APBB2: variants seen among roughly 807,000 people sequenced by gnomAD.
APBB2 encodes the protein Fe65-like 1.
APBB2 carries 38 observed loss-of-function variants against 82.5 expected under a neutral mutation model. The ratio of observed to expected loss-of-function variants is 0.46; its 90% CI spans 0.36 to 0.60. The LOEUF (loss-of-function observed/expected upper bound fraction) is 0.60. Ranked by LOEUF, APBB2 falls within the 20% of genes least tolerant of loss-of-function variation. The pLI, the probability that APBB2 is intolerant of heterozygous loss-of-function variation, is 0.00. For missense variants in APBB2, 772 were observed against 972.3 expected, an observed-to-expected ratio of 0.79 and a Z score of 2.74; for synonymous variants, 341 against 368.2, an observed-to-expected ratio of 0.93 and a Z score of 0.85.
At chr4:40,951,784 T>A (rs1790249429) in intron 6 of APBB2, among the ~76,000 whole-genome samples, 1 of 152,030 alleles carries the variant, frequency 6.6e-6, no homozygotes, top group South Asian at 2.1e-4. Flanking sequence ...AAATTGGAGG[T>A]CTCAAGAAGC....
intron 6 of APBB2, among the ~76,000 whole-genome samples, chr4:40,954,391 G>A (rs1352042930): frequency 1.3e-5 from 2 of 152,194 alleles, no homozygotes; most frequent in Non-Finnish European, 2.9e-5. Flanking sequence ...GGAGAGGAAA[G>A]AGGGAAGGTG....
At chr4:41,054,435 C>T (rs548431527) in intron 4 of APBB2, among the ~76,000 whole-genome samples, 1 of 152,198 alleles carries the variant, frequency 6.6e-6, no homozygotes, top group South Asian at 2.1e-4. Context: ...ATCTCCACAC[C>T]ACCCTGAATT....
At chr4:40,930,488 T>C (rs1783954540) in intron 10 of APBB2, among the ~76,000 whole-genome samples, 1 of 148,030 alleles carries the variant, frequency 6.8e-6, no homozygotes, top group Non-Finnish European at 1.5e-5. Context: ...CGTATGCGTG[T>C]GTATGTGTGT....
chr4:41,185,079 G>A (rs540578377), intron 1 of APBB2, among the ~76,000 whole-genome samples: 2 of 152,286 alleles, frequency 1.3e-5, no homozygotes, highest in East Asian at 3.9e-4. Context: ...TATCCCCAAA[G>A]CCTAAAATGG....
At chr4:40,964,894 G>A (rs1339147374) in intron 6 of APBB2, among the ~76,000 whole-genome samples, 2 of 148,164 alleles carry the variant, frequency 1.3e-5, no homozygotes, top group Non-Finnish European at 2.9e-5. Context: ...GCCAAGGCGG[G>A]CAGATCACGA....
At chr4:40,816,304 A>G in intron 17 of APBB2, 45 bp from the exon 18 acceptor site, 1 of 1,603,882 alleles carries the variant, frequency 6.2e-7, no homozygotes, top group Non-Finnish European at 8.5e-7. Context: ...ACAACATATT[A>G]TTTCATCTTT....
chr4:40,984,691 C>A (rs1194931158), intron 6 of APBB2, among the ~76,000 whole-genome samples: 1 of 152,188 alleles, frequency 6.6e-6, no homozygotes, highest in Non-Finnish European at 1.5e-5. Context: ...CAAAGAAAAA[C>A]TGCCCAGACA....
intron 12 of APBB2, chr4:40,842,329 A>C: frequency 4.4e-6 from 2 of 455,012 alleles, no homozygotes; most frequent in African/African-American, 2.0e-5. Flanking sequence ...AGACACGTTA[A>C]GACACCACGA....
Position 41,086,470 on chromosome 4 carries a change from T to C in APBB2, c.-149+14169A>G, listed in dbSNP as rs561858111. ...TTATTGAAAGGATTATACACCATGA[T>C]CAAGTGGGACTTATCTCTGGAATGC... On this transcript the variant is annotated intron_variant, in intron 3 of 17. Coordinates refer to ENST00000508593, the MANE Select transcript of APBB2 (RefSeq NM_004307.2). 2.0e-5 allele frequency among the ~76,000 whole-genome samples: 3 copies of C among 152,286 alleles called. No individual in the cohort carries two copies. The South Asian group carries it at 6.2e-4, about 32-fold the overall frequency.
chr4:40,905,892 C>G (rs1402922771), intron 10 of APBB2, among the ~76,000 whole-genome samples: 1 of 152,126 alleles, frequency 6.6e-6, no homozygotes, highest in East Asian at 1.9e-4. Context: ...GCCTAGACAC[C>G]TTCCTGACCC....
At chr4:41,172,214 TC>T (rs767767894) in intron 1 of APBB2, among the ~76,000 whole-genome samples, 49 of 152,196 alleles carry the variant, frequency 3.2e-4, no homozygotes, top group Admixed American at 3.9e-4. Context: ...CAACACCTCA[TC>T]CAGCACCCCC....
At chr4:40,822,244 C>A in intron 16 of APBB2, 194 bp from the exon 17 acceptor site, 1 of 603,970 alleles carries the variant, frequency 1.7e-6, no homozygotes, top group East Asian at 2.9e-5. Context: ...TTCTGGAGGT[C>A]ATTCTTGCTC....
intron 1 of APBB2, among the ~76,000 whole-genome samples, chr4:41,189,643 C>T (rs1466452668): frequency 6.6e-6 from 1 of 152,154 alleles, no homozygotes; most frequent in Admixed American, 6.5e-5. Context: ...AAATTAAAGT[C>T]CTCAGTACAA....
intron 1 of APBB2, among the ~76,000 whole-genome samples, chr4:41,171,959 G>A (rs975311018): frequency 2.6e-5 from 4 of 152,188 alleles, no homozygotes; most frequent in Admixed American, 2.0e-4. Flanking sequence ...AATTAGCTGG[G>A]CATGGTGGCA....
chr4:40,961,326 T>C (rs1235128238), intron 6 of APBB2, among the ~76,000 whole-genome samples: 1 of 151,988 alleles, frequency 6.6e-6, no homozygotes, highest in Non-Finnish European at 1.5e-5. Context: ...CACAAACATA[T>C]AGACATCTAA....
rs759076001 is a variant in APBB2, at chr4:41,013,649, C to G, written c.769G>C (p.Asp257His). ...AACGTTGTCCAGCTGGACTCCTCAT[C>G]GCTCGGTGCCAGGTTCTGGATCCGG... is the stretch of plus-strand genomic sequence containing the variant. ...LHRIQNLAPS[D>H]EESSWTTLSQ... The change falls in exon 6 of 18, where the codon GAT becomes CAT. Residue 257 changes from aspartate to histidine, a missense_variant. Transcript: ENST00000508593. 2 of 1,614,212 alleles carry G rather than the reference C, an allele frequency of 1.2e-6. No individual in the cohort carries two copies. Among genetic ancestry groups the G allele is most frequent in the Non-Finnish European group, 1.7e-6 (2 of 1,180,036 alleles).
chr4:41,160,212 G>A (rs1764802912), intron 1 of APBB2, among the ~76,000 whole-genome samples: 1 of 152,104 alleles, frequency 6.6e-6, no homozygotes, highest in African/African-American at 2.4e-5. Context: ...CTGCCGGCCT[G>A]GACAGGGAAG....
intron 6 of APBB2, among the ~76,000 whole-genome samples, chr4:40,997,736 A>C (rs143005165): frequency 6.6e-6 from 1 of 152,362 alleles, no homozygotes; most frequent in African/African-American, 2.4e-5. Context: ...CATTGCTGGC[A>C]TCTCAGCATG....
intron 6 of APBB2, among the ~76,000 whole-genome samples, chr4:40,951,277 TG>T (rs1790068504): frequency 6.6e-6 from 1 of 152,208 alleles, no homozygotes; most frequent in Admixed American, 6.5e-5. Flanking sequence ...TCTCTATGTA[TG>T]TTTTTTTGCA....
Sources: allele counts gnomAD v4.1 joint callset (sites outside exome capture counted in the v4.1 genomes callset), GRCh38; gene constraint gnomAD v4.1.1; transcripts MANE v1.5; gene names NCBI Gene and HGNC (gene_info 2026-07-23, HGNC 2026-07-21).